Variants in PCYT1B observed in about 807,000 individuals in gnomAD.
PCYT1B encodes the protein choline-phosphate cytidylyltransferase B.
PCYT1B carries 10 observed loss-of-function variants against 26.4 expected under a neutral mutation model. The ratio of observed to expected loss-of-function variants is 0.38; its 90% confidence interval spans 0.23 to 0.64. The LOEUF (loss-of-function observed/expected upper bound fraction) is 0.64, where lower values mean the gene tolerates loss of function less well. Among genes scored for constraint, PCYT1B ranks in the 30% least tolerant of loss-of-function variants. The pLI is 0.56. For missense variants in PCYT1B, 161 were observed against 292.7 expected, an observed-to-expected ratio of 0.55 and a Z score of 3.28; for synonymous variants, 131 against 108.4, an observed-to-expected ratio of 1.21 and a Z score of -1.29.
rs769116156 is a variant in PCYT1B, at chrX:24,587,221, A to G, written c.565+20T>C. ...ATTATTGTGATGTGGTTGACAGGTG[A>G]GCACAGGGGAATGCCTCACCTGCTT... On this transcript the variant is annotated intron_variant, in intron 5 of 7. Transcript: ENST00000379144. 2 of 1,107,512 alleles carry G rather than the reference A, an allele frequency of 1.8e-6. No homozygotes were observed. The highest frequency in any genetic ancestry group is 3.7e-5 in the South Asian group (2 of 54,326). The allele number at this position is 1,107,512 out of a possible 1,213,427, so 91.3% of individuals were successfully genotyped here. A position where few individuals can be genotyped will look rare whatever the true frequency, so the allele number is the denominator to read the frequency against.
chrX:24,624,249 A>T (rs188785792), intron 1 of PCYT1B, among the ~76,000 whole-genome samples: 3 of 111,647 alleles, frequency 2.7e-5, no homozygotes, highest in Non-Finnish European at 3.8e-5. Flanking sequence ...GATTACAGGC[A>T]TGAGCCACCG....
chrX:24,593,721 T>G (rs966774974), intron 3 of PCYT1B, among the ~76,000 whole-genome samples: 2 of 109,200 alleles, frequency 1.8e-5, no homozygotes, highest in Non-Finnish European at 3.8e-5. Flanking sequence ...GAGATGGGGT[T>G]TCGCCATGTT....
intron 3 of PCYT1B, among the ~76,000 whole-genome samples, chrX:24,600,344 A>G (rs1042772818): frequency 1.1e-4 from 12 of 111,821 alleles, no homozygotes; most frequent in Non-Finnish European, 1.7e-4. Flanking sequence ...TCTTAGATCC[A>G]TCAGAGAACT....
rs748410398 is a variant in PCYT1B, at chrX:24,562,270, C to A, written c.*23G>T. ...GCCCTCCTCCCCATCCTGCATGGTG[C>A]GGCTCTTGCCTCCCAGCAGCCTCTA... On this transcript the variant is annotated 3_prime_UTR_variant, in exon 8 of 8. Transcript: ENST00000379144. The A allele has an allele frequency of 1.2e-5, 14 of 1,151,626 alleles. No homozygotes were observed. In the African/African-American group the frequency reaches 1.6e-4, roughly 13 times the overall value. 94.9% of individuals were successfully genotyped at this position (1,151,626 alleles called of 1,213,427 possible). A position where few individuals can be genotyped will look rare whatever the true frequency, so the allele number is the denominator to read the frequency against.
intron 2 of PCYT1B, among the ~76,000 whole-genome samples, chrX:24,610,517 A>C: frequency 8.9e-6 from 1 of 112,080 alleles, no homozygotes; most frequent in Non-Finnish European, 1.9e-5. Context: ...CAATTGAGGA[A>C]AATTTGTTTT....
At chrX:24,644,449 T>TACAC (rs201474505) in intron 1 of PCYT1B, among the ~76,000 whole-genome samples, 14,618 of 95,153 alleles carry the variant, frequency 0.15, 1,429 homozygotes, top group African/African-American at 0.34. Context: ...ATGTGCATGA[T>TACAC]ACACACACAC....
chrX:24,645,884 T>C (rs764323042), intron 1 of PCYT1B, among the ~76,000 whole-genome samples: 16 of 112,101 alleles, frequency 1.4e-4, no homozygotes, highest in South Asian at 3.7e-4. Context: ...TTAACTCTTA[T>C]TAAGAAATAA....
rs1926657544 is a variant in PCYT1B, at chrX:24,647,214, C to T, written c.-109G>A. The T allele has an allele frequency of 3.8e-6, 4 of 1,057,421 alleles. No homozygotes were observed. Among genetic ancestry groups the T allele is most frequent in the Middle Eastern group, 3.1e-4 (1 of 3,197 alleles). 87.1% of individuals were successfully genotyped at this position (1,057,421 alleles called of 1,213,427 possible). A position where few individuals can be genotyped will look rare whatever the true frequency, so the allele number is the denominator to read the frequency against. On this transcript the variant is annotated 5_prime_UTR_variant, in exon 1 of 8. Transcript: ENST00000379144. ...TCCCCTCTACCCTCCACCCATCCCC[C>T]CGCTTCTTCTCCCCTTCTTTCTGTC...
chrX:24,562,275 C>T lies in PCYT1B; in HGVS notation c.*18G>A, dbSNP rs1308092723. 8.7e-7 allele frequency: 1 copy of T among 1,155,604 alleles called. No homozygotes were observed. Among genetic ancestry groups the T allele is most frequent in the South Asian group, 2.1e-5 (1 of 48,173 alleles). ...CCTCCCCATCCTGCATGGTGCGGCT[C>T]TTGCCTCCCAGCAGCCTCTACTTTT... On this transcript the variant is annotated 3_prime_UTR_variant, in exon 8 of 8. Coordinates refer to ENST00000379144, the MANE Select transcript of PCYT1B (RefSeq NM_004845.5).
Position 24,647,196 on chromosome X carries a change from T to G in PCYT1B, c.-91A>C. 1 of 1,103,546 alleles carries G rather than the reference T, an allele frequency of 9.1e-7. No homozygotes were observed. The highest frequency in any genetic ancestry group is 3.4e-5 in the East Asian group (1 of 29,439). The allele number at this position is 1,103,546 out of a possible 1,213,427, so 90.9% of individuals were successfully genotyped here. On this transcript the variant is annotated 5_prime_UTR_variant, in exon 1 of 8. The change abolishes the stop of an existing upstream ORF in the 5' untranslated region. Coordinates refer to ENST00000379144, the MANE Select transcript of PCYT1B (RefSeq NM_004845.5). ...CTTTGTCACGTATTTTTCTCCCCTC[T>G]ACCCTCCACCCATCCCCCCGCTTCT... is the stretch of plus-strand genomic sequence containing the variant.
chrX:24,617,500 T>C (rs1925551427), intron 2 of PCYT1B, among the ~76,000 whole-genome samples: 1 of 102,728 alleles, frequency 9.7e-6, no homozygotes, highest in Non-Finnish European at 2.0e-5. Flanking sequence ...CAGGCTGGAG[T>C]GCAATGGTGT....
intron 1 of PCYT1B, among the ~76,000 whole-genome samples, chrX:24,641,941 T>G (rs778870171): frequency 8.9e-6 from 1 of 112,249 alleles, no homozygotes; most frequent in Non-Finnish European, 1.9e-5. Flanking sequence ...AAATATGTAT[T>G]GGGGTGAGCA....
In PCYT1B at chrX:24,587,333, A is replaced by G. The variant is rs759576974; in HGVS notation, c.487-14T>C. 1.8e-6 allele frequency: 2 copies of G among 1,123,282 alleles called. No individual in the cohort carries two copies. Among genetic ancestry groups the G allele is most frequent in the East Asian group, 6.0e-5 (2 of 33,499 alleles). 92.6% of individuals were successfully genotyped at this position (1,123,282 alleles called of 1,213,427 possible). On this transcript the variant is annotated splice_polypyrimidine_tract_variant and intron_variant, in intron 4 of 7. Coordinates refer to ENST00000379144, the MANE Select transcript of PCYT1B (RefSeq NM_004845.5). The stretch of plus-strand genomic sequence containing the variant: ...CACAAAGTCAATCTGTTGAAGAGAG[A>G]GAAGAGTGATGTCACCACTGGGATG...
At chrX:24,623,400 A>ATATATATAT (rs1925768231) in intron 1 of PCYT1B, among the ~76,000 whole-genome samples, 10 of 59,040 alleles carry the variant, frequency 1.7e-4, no homozygotes, top group Admixed American at 3.6e-4. Context: ...TATATATATA[A>ATATATATAT]CTTTAAATTC....
intron 1 of PCYT1B, among the ~76,000 whole-genome samples, chrX:24,663,201 T>A (rs1927062968): frequency 8.9e-6 from 1 of 112,510 alleles, no homozygotes; most frequent in African/African-American, 3.2e-5. Flanking sequence ...ACTGGTCACC[T>A]TGCTTTTTTA....
intron 7 of PCYT1B, among the ~76,000 whole-genome samples, chrX:24,566,043 T>G (rs1174348438): frequency 8.9e-6 from 1 of 112,023 alleles, no homozygotes; most frequent in Non-Finnish European, 1.9e-5. Context: ...AGATACATTT[T>G]ATATATCAGA....
chrX:24,640,845 C>T (rs762315049), intron 1 of PCYT1B, among the ~76,000 whole-genome samples: 8 of 111,733 alleles, frequency 7.2e-5, no homozygotes, highest in Non-Finnish European at 1.3e-4. Flanking sequence ...GCACCTCAGA[C>T]ATAACTCTCA....
chrX:24,561,276 G>A lies in PCYT1B; in HGVS notation c.*1017C>T, dbSNP rs1356963483. The A allele has an allele frequency of 8.9e-6, 1 of 111,960 alleles. No homozygotes were observed. The highest frequency in any genetic ancestry group is 1.9e-5 in the Non-Finnish European group (1 of 53,176). 9.2% of individuals were successfully genotyped at this position (111,960 alleles called of 1,213,427 possible). A position where few individuals can be genotyped will look rare whatever the true frequency, so the allele number is the denominator to read the frequency against. On this transcript the variant is annotated 3_prime_UTR_variant, in exon 8 of 8. Transcript: ENST00000379144. ...AATGCCACCACTATATACTCATATTGCACATGGGATACACCCGGGGATGAC... is the reference window on the plus strand; with the variant it reads ...AATGCCACCACTATATACTCATATTACACATGGGATACACCCGGGGATGAC...
chrX:24,585,657 A>G (rs1016341371), intron 5 of PCYT1B, among the ~76,000 whole-genome samples: 2 of 111,459 alleles, frequency 1.8e-5, no homozygotes, highest in Admixed American at 9.5e-5. Flanking sequence ...AAAGATCCCC[A>G]TCCCATGCCA....
Sources: gnomAD v4.1 joint callset for allele counts (sites outside exome capture counted in the v4.1 genomes callset) on GRCh38, gnomAD v4.1.1 for gene constraint, MANE v1.5 for transcripts, NCBI Gene and HGNC (gene_info 2026-07-23, HGNC 2026-07-21) for gene names.